BMERB1: variants seen among roughly 807,000 people sequenced by gnomAD.
BMERB1 encodes bMERB domain containing 1, also known as bMERB domain-containing protein 1.
A neutral mutation model predicts 23.6 loss-of-function variants in BMERB1; 12 were observed. The ratio of observed to expected loss-of-function variants is 0.51; its 90% CI spans 0.33 to 0.82. The LOEUF (loss-of-function observed/expected upper bound fraction) is 0.82. Ranked by LOEUF, BMERB1 falls within the 40% of genes least tolerant of loss-of-function variation. The probability of loss-of-function intolerance (pLI) is 0.03; values close to 1 mark genes in which losing one functional copy is unlikely to be tolerated. For missense variants in BMERB1, 247 were observed against 255.4 expected, an observed-to-expected ratio of 0.97 and a Z score of 0.22; for synonymous variants, 122 against 96.6, an observed-to-expected ratio of 1.26 and a Z score of -1.54.
chr16:15,517,172 C>G (rs1230149052), intron 2 of BMERB1, among the ~76,000 whole-genome samples: 2 of 152,154 alleles, frequency 1.3e-5, no homozygotes, highest in East Asian at 1.9e-4. Context: ...TAAAATGATA[C>G]GTGAGCATTC....
intron 2 of BMERB1, among the ~76,000 whole-genome samples, chr16:15,553,435 C>T (rs2030154230): frequency 6.6e-6 from 1 of 152,188 alleles, no homozygotes; most frequent in Non-Finnish European, 1.5e-5. Context: ...GATTACACTC[C>T]TGTAAGTTCA....
At chr16:15,503,021 G>GTA (rs2051546757) in intron 1 of BMERB1, among the ~76,000 whole-genome samples, 1 of 152,168 alleles carries the variant, frequency 6.6e-6, no homozygotes. Context: ...AGCACATGTT[G>GTA]TATACAGTTG....
intron 3 of BMERB1, among the ~76,000 whole-genome samples, chr16:15,568,531 G>C (rs890359026): frequency 6.6e-6 from 1 of 151,960 alleles, no homozygotes; most frequent in Non-Finnish European, 1.5e-5. Flanking sequence ...CCAGGTAACC[G>C]GCAGGCTGAG....
intron 2 of BMERB1, among the ~76,000 whole-genome samples, chr16:15,545,931 G>A (rs1417364241): frequency 2.6e-5 from 4 of 152,128 alleles, no homozygotes; most frequent in Non-Finnish European, 2.9e-5. Context: ...TAGGTAGTCT[G>A]TAAACAGCCT....
At chr16:15,585,940 A>T (rs1367322659) in intron 5 of BMERB1, among the ~76,000 whole-genome samples, 1 of 152,218 alleles carries the variant, frequency 6.6e-6, no homozygotes, top group Non-Finnish European at 1.5e-5. Context: ...GAACTATTTA[A>T]AAAGGAAAAT....
intron 1 of BMERB1, among the ~76,000 whole-genome samples, chr16:15,443,375 G>A (rs1233053892): frequency 9.1e-6 from 1 of 109,566 alleles, no homozygotes; most frequent in African/African-American, 3.5e-5. Context: ...GCAATGTGGC[G>A]AAACCCTGTC....
intron 2 of BMERB1, among the ~76,000 whole-genome samples, chr16:15,533,733 C>CTT (rs2051992889): frequency 6.6e-6 from 1 of 152,046 alleles, no homozygotes; most frequent in African/African-American, 2.4e-5. Context: ...GAGGACAGAG[C>CTT]GTCTGCCTCA....
intron 1 of BMERB1, among the ~76,000 whole-genome samples, chr16:15,448,400 T>C (rs1405963360): frequency 6.6e-6 from 1 of 152,094 alleles, no homozygotes; most frequent in Non-Finnish European, 1.5e-5. Flanking sequence ...GAGAAACCCA[T>C]AGTAGTTATT....
chr16:15,528,623 C>A (rs138236899), intron 2 of BMERB1, among the ~76,000 whole-genome samples: 1 of 151,940 alleles, frequency 6.6e-6, no homozygotes, highest in South Asian at 2.1e-4. Context: ...CCCCACCCCC[C>A]GATACACACA....
intron 3 of BMERB1, among the ~76,000 whole-genome samples, chr16:15,570,276 C>T (rs1188176823): frequency 6.6e-6 from 1 of 152,158 alleles, no homozygotes; most frequent in Non-Finnish European, 1.5e-5. Flanking sequence ...CAAGGAGCCC[C>T]CAGGTTAGCA....
intron 1 of BMERB1, among the ~76,000 whole-genome samples, chr16:15,470,997 C>T (rs2051224836): frequency 6.6e-6 from 1 of 151,244 alleles, no homozygotes; most frequent in Non-Finnish European, 1.5e-5. Flanking sequence ...CTGCCACGCC[C>T]AGCTAATTTT....
chr16:15,444,189 T>TGCCTG, intron 1 of BMERB1, among the ~76,000 whole-genome samples: 1 of 142,562 alleles, frequency 7.0e-6, no homozygotes. Context: ...ATCCTGGGAC[T>TGCCTG]GCCTGGTTCA....
chr16:15,501,287 C>CTTTTTTTTTTT (rs71152437), intron 1 of BMERB1, among the ~76,000 whole-genome samples: 1 of 64,918 alleles, frequency 1.5e-5, no homozygotes, highest in African/African-American at 6.1e-5. Flanking sequence ...GCTCTTTTTA[C>CTTTTTTTTTTT]TTTTTTTTTT....
chr16:15,469,128 T>C (rs1458124726), intron 1 of BMERB1, among the ~76,000 whole-genome samples: 1 of 152,010 alleles, frequency 6.6e-6, no homozygotes, highest in African/African-American at 2.4e-5. Context: ...CACACCTGGC[T>C]AACTTTTGTA....
chr16:15,583,744 C>T (rs2031074229), intron 5 of BMERB1, among the ~76,000 whole-genome samples: 1 of 152,040 alleles, frequency 6.6e-6, no homozygotes, highest in African/African-American at 2.4e-5. Context: ...GGCCTCATGC[C>T]TGACCAGCCT....
chr16:15,508,750 C>T (rs753037369), intron 1 of BMERB1, among the ~76,000 whole-genome samples: 7 of 147,320 alleles, frequency 4.8e-5, no homozygotes, highest in Admixed American at 1.4e-4. Flanking sequence ...TGCTTGAGCC[C>T]GGGAGGTTGA....
At position 15,530,287 on chromosome 16, in the gene BMERB1, C is replaced by T. The variant is rs140130062; in HGVS notation, c.230+14859C>T. 7.8e-3 allele frequency among the ~76,000 whole-genome samples: 1,194 copies of T among 152,310 alleles called. 6 individuals carry two copies. Among genetic ancestry groups the T allele is most frequent in the Middle Eastern group, 0.014 (4 of 294 alleles). Reference sequence around the variant, plus strand: ...CTGATTTCTCAAATTCAAAAAATTGCAACCTCAGGCATAAATGGGTAGGGG... The same window carrying T: ...CTGATTTCTCAAATTCAAAAAATTGTAACCTCAGGCATAAATGGGTAGGGG... On this transcript the variant is annotated intron_variant, in intron 2 of 5. Coordinates refer to ENST00000300006, the MANE Select transcript of BMERB1 (RefSeq NM_033201.3).
intron 1 of BMERB1, among the ~76,000 whole-genome samples, chr16:15,499,014 T>C (rs1016345576): frequency 1.3e-5 from 2 of 152,248 alleles, no homozygotes; most frequent in African/African-American, 4.8e-5. Context: ...CTTCAGATGT[T>C]CTCAGATTAC....
intron 2 of BMERB1, among the ~76,000 whole-genome samples, chr16:15,540,596 G>A (rs373560119): frequency 3.9e-5 from 6 of 152,306 alleles, no homozygotes; most frequent in African/African-American, 1.4e-4. Flanking sequence ...AGTGACTGAT[G>A]TTCAGGAAAC....
Sources: allele counts gnomAD v4.1 joint callset (sites outside exome capture counted in the v4.1 genomes callset), GRCh38; gene constraint gnomAD v4.1.1; transcripts MANE v1.5; gene names NCBI Gene and HGNC (gene_info 2026-07-23, HGNC 2026-07-21).